GPC6: variants seen among roughly 807,000 people sequenced by gnomAD.
GPC6 encodes glypican 6, also known as glypican-6.
GPC6 carries 14 observed loss-of-function variants against 55.2 expected under a neutral mutation model. That is an observed-to-expected ratio of 0.25 (90% CI 0.17 to 0.40). GPC6 has a LOEUF of 0.40. Ranked by LOEUF, GPC6 falls within the 10% of genes least tolerant of loss-of-function variation. The pLI, the probability that GPC6 is intolerant of heterozygous loss-of-function variation, is 1.00. For missense variants in GPC6, 641 were observed against 708.5 expected, an observed-to-expected ratio of 0.90 and a Z score of 1.08; for synonymous variants, 278 against 259.6, an observed-to-expected ratio of 1.07 and a Z score of -0.68.
intron 2 of GPC6, among the ~76,000 whole-genome samples, chr13:93,686,647 T>C (rs1297383729): frequency 2.6e-5 from 4 of 152,208 alleles, no homozygotes; most frequent in Non-Finnish European, 4.4e-5. Context: ...TGAGTAAACA[T>C]ACATTGTGAA....
At chr13:93,450,003 C>T (rs1188611685) in intron 1 of GPC6, among the ~76,000 whole-genome samples, 5 of 151,886 alleles carry the variant, frequency 3.3e-5, no homozygotes, top group East Asian at 1.9e-4. Flanking sequence ...ACGATGGTCT[C>T]GATCTCTTGA....
rs563385002 is a variant in GPC6 at position 93,237,788 on chromosome 13, A to G, written c.160+10172A>G. Among the ~76,000 whole-genome samples the G allele has an allele frequency of 2.1e-4, 30 of 140,592 alleles. 1 individual carries two copies. Among genetic ancestry groups the G allele is most frequent in the Middle Eastern group, 3.8e-3 (1 of 262 alleles). 92.2% of individuals were successfully genotyped at this position (140,592 alleles called of 152,430 possible). A position where few individuals can be genotyped will look rare whatever the true frequency, so the allele number is the denominator to read the frequency against. ...CAGTTTTATTCTTGTGCATGTGACT[A>G]GACAGTTTTCTCAGGACCATTTGTT... On this transcript the variant is annotated intron_variant, in intron 1 of 8. Coordinates refer to ENST00000377047, the MANE Select transcript of GPC6 (RefSeq NM_005708.5).
intron 1 of GPC6, among the ~76,000 whole-genome samples, chr13:93,470,491 C>G (rs1879071406): frequency 6.6e-6 from 1 of 151,866 alleles, no homozygotes; most frequent in Non-Finnish European, 1.5e-5. Context: ...GGTTTTTATC[C>G]TTTTTATATA....
intron 3 of GPC6, among the ~76,000 whole-genome samples, chr13:93,995,161 CTATTT>C (rs5805840): frequency 0.75 from 108,078 of 144,214 alleles, 41,155 homozygotes; most frequent in Non-Finnish European, 0.81. Flanking sequence ...TGTACTTCAA[CTATTT>C]TATTTTATTT....
At chr13:94,268,247 A>T (rs142295769) in intron 4 of GPC6, among the ~76,000 whole-genome samples, 1 of 152,236 alleles carries the variant, frequency 6.6e-6, no homozygotes, top group Non-Finnish European at 1.5e-5. Context: ...AATTTATTGA[A>T]TATTTACATG....
intron 2 of GPC6, among the ~76,000 whole-genome samples, chr13:93,770,102 C>T (rs1239610922): frequency 6.6e-6 from 1 of 152,130 alleles, no homozygotes; most frequent in Non-Finnish European, 1.5e-5. Context: ...ATAGTGCATG[C>T]ATCTGTCTGC....
intron 1 of GPC6, among the ~76,000 whole-genome samples, chr13:93,525,545 T>C (rs1881612680): frequency 6.6e-6 from 1 of 152,082 alleles, no homozygotes; most frequent in African/African-American, 2.4e-5. Flanking sequence ...CTCCTGGAAA[T>C]TGAAACTTTT....
At chr13:93,998,419 A>G (rs975487779) in intron 3 of GPC6, among the ~76,000 whole-genome samples, 14 of 152,210 alleles carry the variant, frequency 9.2e-5, no homozygotes, top group African/African-American at 3.4e-4. Context: ...CACACCACTA[A>G]TTAAGCAGAA....
intron 2 of GPC6, among the ~76,000 whole-genome samples, chr13:93,743,286 A>G (rs1452114054): frequency 6.6e-6 from 1 of 152,180 alleles, no homozygotes; most frequent in African/African-American, 2.4e-5. Flanking sequence ...ATGGTGTCTG[A>G]AAGACCTAAG....
intron 3 of GPC6, among the ~76,000 whole-genome samples, chr13:93,863,852 T>A (rs953728025): frequency 1.3e-5 from 2 of 151,718 alleles, no homozygotes; most frequent in African/African-American, 4.8e-5. Context: ...GCATTTGTGT[T>A]GCAAAAAGAT....
At chr13:93,910,102 T>TC (rs1876887759) in intron 3 of GPC6, among the ~76,000 whole-genome samples, 2 of 151,956 alleles carry the variant, frequency 1.3e-5, no homozygotes, top group African/African-American at 4.8e-5. Flanking sequence ...TGTGATATGG[T>TC]TTGGCTGTGT....
rs185715697 is a variant in GPC6, at chr13:93,230,309, T to C, written c.160+2693T>C. ...AGAACTCACAATTGTGAAATAGTGTTGCCCTTTTCTATTCTAGGATAGAAT... is the reference window on the plus strand; with the variant it reads ...AGAACTCACAATTGTGAAATAGTGTCGCCCTTTTCTATTCTAGGATAGAAT... On this transcript the variant is annotated intron_variant, in intron 1 of 8. Coordinates refer to ENST00000377047, the MANE Select transcript of GPC6 (RefSeq NM_005708.5). Among the ~76,000 whole-genome samples the C allele has an allele frequency of 2.5e-4, 38 of 152,298 alleles. No homozygotes were observed. In the East Asian group the frequency reaches 6.2e-3, roughly 25 times the overall value.
At position 94,401,384 on chromosome 13, in the gene GPC6, G is replaced by A. The variant is rs2139231933; in HGVS notation, c.1466-1631G>A. ...ACTTTCATAAAGCTAGTAATTGGCA[G>A]CCTGATCTGGGCCAGGTTTGAGTGA... On this transcript the variant is annotated intron_variant, in intron 8 of 8. Transcript: ENST00000377047. 2.0e-5 allele frequency among the ~76,000 whole-genome samples: 3 copies of A among 152,288 alleles called. No individual in the cohort carries two copies. The Middle Eastern group carries it at 0.01, about 518-fold the overall frequency.
At chr13:93,617,433 G>A (rs2139550917) in intron 2 of GPC6, among the ~76,000 whole-genome samples, 1 of 152,172 alleles carries the variant, frequency 6.6e-6, no homozygotes, top group Non-Finnish European at 1.5e-5. Flanking sequence ...TGAAAGCAAT[G>A]AAGAGAGAGA....
At chr13:93,259,150 T>A (rs934099134) in intron 1 of GPC6, among the ~76,000 whole-genome samples, 3 of 152,194 alleles carry the variant, frequency 2.0e-5, no homozygotes, top group Admixed American at 6.5e-5. Context: ...TTCTTTCCAC[T>A]GTAATTTCTC....
chr13:94,124,997 AT>A (rs1210875938), intron 4 of GPC6, among the ~76,000 whole-genome samples: 9 of 151,672 alleles, frequency 5.9e-5, no homozygotes, highest in South Asian at 2.1e-4. Context: ...GTAAAAAATA[AT>A]TTTTTTTTAC....
chr13:94,377,523 A>G (rs370720359), intron 6 of GPC6, among the ~76,000 whole-genome samples: 3 of 149,378 alleles, frequency 2.0e-5, no homozygotes, highest in African/African-American at 2.5e-5. Flanking sequence ...TTAGAATGGC[A>G]ATCATTAAAA....
chr13:94,030,282 T>G (rs1190232186), intron 4 of GPC6, among the ~76,000 whole-genome samples: 1 of 152,198 alleles, frequency 6.6e-6, no homozygotes, highest in African/African-American at 2.4e-5. Flanking sequence ...GTGCTGGGAT[T>G]GCAGGTGTGA....
intron 1 of GPC6, among the ~76,000 whole-genome samples, chr13:93,405,559 T>C (rs1876255468): frequency 6.6e-6 from 1 of 152,172 alleles, no homozygotes. Flanking sequence ...CACACTGGGG[T>C]GCATTTCCTT....
Sources: gnomAD v4.1 joint callset for allele counts (sites outside exome capture counted in the v4.1 genomes callset) on GRCh38, gnomAD v4.1.1 for gene constraint, MANE v1.5 for transcripts, NCBI Gene and HGNC (gene_info 2026-07-23, HGNC 2026-07-21) for gene names.